ST3GAL1: variants seen among roughly 807,000 people sequenced by gnomAD.
ST3GAL1 encodes ST3 beta-galactoside alpha-2,3-sialyltransferase 1.
A neutral mutation model predicts 34.1 loss-of-function variants in ST3GAL1; 16 were observed. The observed-to-expected ratio is 0.47, with a 90% CI of 0.32 to 0.71. ST3GAL1 has a LOEUF of 0.71. Ranked by LOEUF, ST3GAL1 falls within the 30% of genes least tolerant of loss-of-function variation. The probability of loss-of-function intolerance (pLI) is 0.04; values close to 1 mark genes in which losing one functional copy is unlikely to be tolerated. For missense variants in ST3GAL1, 353 were observed against 447.4 expected (o/e 0.79, Z 1.90); for synonymous variants, 191 against 184.7 (o/e 1.03, Z -0.28).
chr8:133,489,738 C>T (rs2130974726), intron 3 of ST3GAL1: 1 of 152,366 alleles, frequency 6.6e-6, no homozygotes, highest in Middle Eastern at 3.4e-3. Context: ...ACCAGTAGAG[C>T]CAGAGGGCAA....
At chr8:133,463,346 T>A in intron 8 of ST3GAL1, 68 bp downstream of exon 8, 1 of 1,581,434 alleles carries the variant, frequency 6.3e-7, no homozygotes, top group Admixed American at 1.7e-5. Context: ...CTCAATGCCG[T>A]ACCTTAGAGC....
At chr8:133,547,616 C>T (rs930537297) in intron 1 of ST3GAL1, among the ~76,000 whole-genome samples, 7 of 152,122 alleles carry the variant, frequency 4.6e-5, no homozygotes, top group Non-Finnish European at 8.8e-5. Context: ...CCCAGCTCAG[C>T]CCCCAGATGT....
chr8:133,486,907 C>T (rs1345105237), intron 3 of ST3GAL1, among the ~76,000 whole-genome samples: 2 of 152,212 alleles, frequency 1.3e-5, no homozygotes, highest in Non-Finnish European at 2.9e-5. Context: ...GCTAATTGAA[C>T]AAATTAATGA....
At position 133,571,811 on chromosome 8, in the gene ST3GAL1, T is replaced by A. The variant is rs60776551; in HGVS notation, c.-700A>T. 1 of 153,694 alleles carries A rather than the reference T, an allele frequency of 6.5e-6. No homozygotes were observed. Among genetic ancestry groups the A allele is most frequent in the Non-Finnish European group, 1.4e-5 (1 of 69,296 alleles). 9.5% of individuals were successfully genotyped at this position (153,694 alleles called of 1,614,324 possible). ...TTCCCAGCTCACATCGCCTCTTCCTTCTCTCTCCGCTCTTCTTCCTCCTCC... is the reference window on the plus strand; with the variant it reads ...TTCCCAGCTCACATCGCCTCTTCCTACTCTCTCCGCTCTTCTTCCTCCTCC... On this transcript the variant is annotated 5_prime_UTR_variant, in exon 1 of 10. Transcript: ENST00000522652. This position sits in a 1 kb window ranked among gnomAD's most constrained non-coding sequence, Gnocchi z 6.7.
chr8:133,465,812 A>G, intron 6 of ST3GAL1, 82 bp downstream of exon 6: 1 of 1,491,618 alleles, frequency 6.7e-7, no homozygotes, highest in Non-Finnish European at 9.1e-7. Flanking sequence ...TGCCTTCCTG[A>G]GCCTGAGCCA....
intron 2 of ST3GAL1, among the ~76,000 whole-genome samples, chr8:133,510,318 G>C (rs1030620965): frequency 1.3e-5 from 2 of 152,144 alleles, no homozygotes; most frequent in African/African-American, 4.8e-5. Flanking sequence ...TCAGATACGA[G>C]GCCAATAAAT....
chr8:133,516,458 T>C lies in ST3GAL1; in HGVS notation c.-428-17269A>G, dbSNP rs368970552. On this transcript the variant is annotated intron_variant, in intron 2 of 9. Transcript: ENST00000522652. ...TACAGCAATGCAGAGAACAGACTAA[T>C]ACACTCCCCATCCATTCTTGGGGAA... Among the ~76,000 whole-genome samples the C allele has an allele frequency of 2.6e-5, 4 of 152,304 alleles. No individual in the cohort carries two copies. The South Asian group carries it at 8.3e-4, about 32-fold the overall frequency.
At position 133,461,849 on chromosome 8, in the gene ST3GAL1, C is replaced by A. The variant is rs1483430711; in HGVS notation, c.849+26G>T. On this transcript the variant is annotated intron_variant, in intron 9 of 9. Coordinates refer to ENST00000522652, the MANE Select transcript of ST3GAL1 (RefSeq NM_173344.3). The surrounding 1 kb of genome is among the most constrained non-coding windows in gnomAD (Gnocchi z 4.7). Reference sequence around the variant, plus strand: ...CAGGACGGTGAGCTTCGAGGCAGCCCTGTGGGCAGGGGGAGGGTGGCATAC... The same window carrying A: ...CAGGACGGTGAGCTTCGAGGCAGCCATGTGGGCAGGGGGAGGGTGGCATAC... 2 of 1,613,636 alleles carry A rather than the reference C, an allele frequency of 1.2e-6. No individual in the cohort carries two copies. Among genetic ancestry groups the A allele is most frequent in the Non-Finnish European group, 1.7e-6 (2 of 1,179,736 alleles).
chr8:133,469,094 G>A lies in ST3GAL1; in HGVS notation c.307-3004C>T, dbSNP rs1815851848. ...GCCTGAGAAGCCAGGACTCAAGCTC[G>A]GCCATGGACGTGTGTGGAGAGTATG... On this transcript the variant is annotated intron_variant, in intron 5 of 9. Transcript: ENST00000522652. The surrounding 1 kb of genome is among the most constrained non-coding windows in gnomAD (Gnocchi z 4.3). Among the ~76,000 whole-genome samples the A allele has an allele frequency of 6.6e-6, 1 of 152,162 alleles. No individual in the cohort carries two copies. Among genetic ancestry groups the A allele is most frequent in the Non-Finnish European group, 1.5e-5 (1 of 68,014 alleles).
At chr8:133,526,318 G>C (rs1175465741) in intron 2 of ST3GAL1, among the ~76,000 whole-genome samples, 2 of 152,144 alleles carry the variant, frequency 1.3e-5, no homozygotes, top group South Asian at 2.1e-4. Context: ...CAGAGTCTGG[G>C]ACCTGGGCTC....
chr8:133,513,490 C>T (rs574032996), intron 2 of ST3GAL1, among the ~76,000 whole-genome samples: 5 of 152,314 alleles, frequency 3.3e-5, no homozygotes, highest in East Asian at 1.9e-4. Context: ...GAAATGTGAA[C>T]GTCTGTGTAC....
chr8:133,504,700 G>A (rs565476479), intron 2 of ST3GAL1, among the ~76,000 whole-genome samples: 60 of 152,226 alleles, frequency 3.9e-4, no homozygotes, highest in Non-Finnish European at 6.6e-4. Flanking sequence ...TTCTATGGTC[G>A]AGAAGAGACA....
intron 2 of ST3GAL1, among the ~76,000 whole-genome samples, chr8:133,520,305 C>G (rs1450836627): frequency 1.3e-5 from 2 of 152,228 alleles, no homozygotes; most frequent in Non-Finnish European, 2.9e-5. Flanking sequence ...CCACACGCTG[C>G]TTGGTATATA....
At position 133,570,012 on chromosome 8, in the gene ST3GAL1, C is replaced by T. The variant is rs1214399001; in HGVS notation, c.-582+1681G>A. The stretch of plus-strand genomic sequence containing the variant: ...AAGGGGGCGTCCGGGCCCCTGCCAG[C>T]ACCTTCCACCTTGGGGCCTTGTCAA... On this transcript the variant is annotated intron_variant, in intron 1 of 9. Coordinates refer to ENST00000522652, the MANE Select transcript of ST3GAL1 (RefSeq NM_173344.3). This position sits in a 1 kb window ranked among gnomAD's most constrained non-coding sequence, Gnocchi z 5.6. The T allele has an allele frequency of 2.6e-5, 4 of 152,406 alleles. No individual in the cohort carries two copies. Among genetic ancestry groups the T allele is most frequent in the Non-Finnish European group, 5.9e-5 (4 of 68,168 alleles). The allele number at this position is 152,406 out of a possible 1,614,324, so 9.4% of individuals were successfully genotyped here. A position where few individuals can be genotyped will look rare whatever the true frequency, so the allele number is the denominator to read the frequency against.
chr8:133,518,942 G>A (rs1379672100), intron 2 of ST3GAL1, among the ~76,000 whole-genome samples: 4 of 152,142 alleles, frequency 2.6e-5, no homozygotes, highest in Non-Finnish European at 5.9e-5. Context: ...CTGTAAACAC[G>A]ACCTCAGGCT....
rs183037232 is a variant in ST3GAL1 at position 133,494,633 on chromosome 8, C to A, written c.-374+4502G>T. On this transcript the variant is annotated intron_variant, in intron 3 of 9. Transcript: ENST00000522652. ...CCCACAATGCAATCCAAGGCTCTCA[C>A]CAAGGCCTGCAAGATCCTACATGAA... Among the ~76,000 whole-genome samples the A allele has an allele frequency of 4.6e-5, 7 of 152,296 alleles. No individual in the cohort carries two copies. The East Asian group carries it at 1.2e-3, about 25-fold the overall frequency.
At chr8:133,542,115 ACG>A (rs939029568) in intron 2 of ST3GAL1, among the ~76,000 whole-genome samples, 1 of 151,870 alleles carries the variant, frequency 6.6e-6, no homozygotes, top group Non-Finnish European at 1.5e-5. Context: ...ACACACACCC[ACG>A]CACACACAGA....
At position 133,463,472 on chromosome 8, in the gene ST3GAL1, A is replaced by T; in HGVS notation, c.684-13T>A. On this transcript the variant is annotated splice_polypyrimidine_tract_variant and intron_variant, in intron 7 of 9. Transcript: ENST00000522652. Reference sequence around the variant, plus strand: ...CGGGATGTAGGTGCTGCAGTTGGAGAAAGAGAAGCTGGTTAATGGGGCAGG... The same window carrying T: ...CGGGATGTAGGTGCTGCAGTTGGAGTAAGAGAAGCTGGTTAATGGGGCAGG... The T allele has an allele frequency of 6.2e-7, 1 of 1,613,602 alleles. No homozygotes were observed. Among genetic ancestry groups the T allele is most frequent in the Non-Finnish European group, 8.5e-7 (1 of 1,179,914 alleles).
In ST3GAL1 at chr8:133,463,310, C is replaced by A. The variant is rs1419939206; in HGVS notation, c.729+104G>T. On this transcript the variant is annotated intron_variant, in intron 8 of 9. Transcript: ENST00000522652. ...AGTGGGAGATGCTACCTCCAGCGGC[C>A]TGGGGATCTGGGGGCTGTCTTGCAA... The A allele has an allele frequency of 7.6e-6, 10 of 1,319,158 alleles. No individual in the cohort carries two copies. The Admixed American group carries it at 1.3e-4, about 17-fold the overall frequency. The allele number at this position is 1,319,158 out of a possible 1,614,324, so 81.7% of individuals were successfully genotyped here. A position where few individuals can be genotyped will look rare whatever the true frequency, so the allele number is the denominator to read the frequency against.
Sources: gnomAD v4.1 joint callset for allele counts (sites outside exome capture counted in the v4.1 genomes callset) on GRCh38, gnomAD v4.1.1 for gene constraint, Gnocchi (gnomAD v3.1) non-coding constraint, MANE v1.5 for transcripts, NCBI Gene and HGNC (gene_info 2026-07-23, HGNC 2026-07-21) for gene names.